The following OTUD7A variants were observed in gnomAD, a reference collection of about 807,000 sequenced individuals.
The protein encoded by OTUD7A is OTU domain-containing protein 7A.
OTUD7A carries 12 observed loss-of-function variants against 65.7 expected under a neutral mutation model. That is an observed-to-expected ratio of 0.18 (90% CI 0.12 to 0.30). The LOEUF (loss-of-function observed/expected upper bound fraction) is 0.30. OTUD7A is among the 10% of genes least tolerant of loss of function. The probability of loss-of-function intolerance (pLI) is 1.00; values close to 1 mark genes in which losing one functional copy is unlikely to be tolerated. For missense variants in OTUD7A, 1,148 were observed against 1,304.8 expected (o/e 0.88, Z 1.85); for synonymous variants, 641 against 586.3 (o/e 1.09, Z -1.35).
chr15:31,797,315 C>T (rs959480167), intron 1 of OTUD7A, among the ~76,000 whole-genome samples: 1 of 152,190 alleles, frequency 6.6e-6, no homozygotes, highest in African/African-American at 2.4e-5. Context: ...CAAAACAGAA[C>T]ACAAACCCCT....
chr15:31,588,318 C>G (rs530726801), intron 3 of OTUD7A, among the ~76,000 whole-genome samples: 21 of 152,250 alleles, frequency 1.4e-4, no homozygotes, highest in African/African-American at 4.8e-4. Context: ...CCAAAGCTTG[C>G]AATACTAAGC....
At chr15:31,728,405 T>C (rs1217997064) in intron 1 of OTUD7A, among the ~76,000 whole-genome samples, 1 of 152,252 alleles carries the variant, frequency 6.6e-6, no homozygotes, top group Non-Finnish European at 1.5e-5. Flanking sequence ...TTCCGTTTAG[T>C]GATCTGTATG....
At chr15:31,783,273 G>A (rs1056491130) in intron 1 of OTUD7A, among the ~76,000 whole-genome samples, 1 of 152,156 alleles carries the variant, frequency 6.6e-6, no homozygotes, top group Non-Finnish European at 1.5e-5. Context: ...GGAGTGTGGA[G>A]GGGACAATCT....
chr15:31,691,035 T>G (rs1892949602), intron 1 of OTUD7A, among the ~76,000 whole-genome samples: 1 of 152,142 alleles, frequency 6.6e-6, no homozygotes, highest in South Asian at 2.1e-4. Context: ...AAATCATATA[T>G]CTGATAAGGG....
intron 1 of OTUD7A, among the ~76,000 whole-genome samples, chr15:31,834,624 A>G (rs1897011297): frequency 6.6e-6 from 1 of 152,198 alleles, no homozygotes; most frequent in South Asian, 2.1e-4. Flanking sequence ...TTGACAGAGA[A>G]GTTCTATTAT....
At chr15:31,520,744 TA>T (rs2041926049) in intron 8 of OTUD7A, among the ~76,000 whole-genome samples, 1 of 152,090 alleles carries the variant, frequency 6.6e-6, no homozygotes, top group African/African-American at 2.4e-5. Context: ...CTCAAAGAAC[TA>T]AAAATAGAAC....
At chr15:31,520,258 CAAAACAGTATGGTATTGGTACA>C (rs2041919722) in intron 8 of OTUD7A, among the ~76,000 whole-genome samples, 2 of 152,136 alleles carry the variant, frequency 1.3e-5, no homozygotes, top group Non-Finnish European at 2.9e-5. Context: ...TTATAGTAAA[CAAAACAGTATGGTATTGGTACA>C]AAAACAGACA....
chr15:31,563,412 G>A (rs1993627), intron 4 of OTUD7A, among the ~76,000 whole-genome samples: 91,384 of 152,134 alleles, frequency 0.6, 29,725 homozygotes, highest in East Asian at 0.91. Flanking sequence ...AGAATAATCA[G>A]CAAGAGGGGC....
chr15:31,563,258 C>G (rs1415872428), intron 4 of OTUD7A, among the ~76,000 whole-genome samples: 3 of 152,156 alleles, frequency 2.0e-5, no homozygotes. Flanking sequence ...GGCCATCTGT[C>G]TGGATTGCTG....
chr15:31,508,510 C>T (rs999674003), intron 8 of OTUD7A, among the ~76,000 whole-genome samples: 8 of 152,202 alleles, frequency 5.3e-5, no homozygotes, highest in Admixed American at 1.3e-4. Flanking sequence ...CCACCACGCT[C>T]GGCTAATTTC....
At chr15:31,786,577 G>A (rs1895680407) in intron 1 of OTUD7A, among the ~76,000 whole-genome samples, 2 of 152,162 alleles carry the variant, frequency 1.3e-5, no homozygotes, top group Non-Finnish European at 2.9e-5. Context: ...GGTGCTGTGG[G>A]ATGTGTCACT....
intron 3 of OTUD7A, among the ~76,000 whole-genome samples, chr15:31,647,125 A>G (rs1028084776): frequency 3.3e-5 from 5 of 152,206 alleles, no homozygotes; most frequent in South Asian, 2.1e-4. Context: ...TTGGAAGGGC[A>G]GCCAACGGTT....
At chr15:31,785,636 C>T (rs1895653040) in intron 1 of OTUD7A, among the ~76,000 whole-genome samples, 1 of 152,150 alleles carries the variant, frequency 6.6e-6, no homozygotes, top group Non-Finnish European at 1.5e-5. Context: ...GACTCTGGCC[C>T]CCAAGCAACC....
intron 1 of OTUD7A, among the ~76,000 whole-genome samples, chr15:31,850,138 T>C (rs1326781110): frequency 4.6e-5 from 7 of 152,100 alleles, no homozygotes; most frequent in Non-Finnish European, 1.5e-5. Context: ...CTAATCACAA[T>C]AGCGAAGACT....
chr15:31,609,738 C>T (rs547333754), intron 3 of OTUD7A, among the ~76,000 whole-genome samples: 3 of 152,162 alleles, frequency 2.0e-5, no homozygotes, highest in Non-Finnish European at 4.4e-5. Flanking sequence ...CTCTCGAAAG[C>T]GCTACCTCCC....
chr15:31,772,034 C>T (rs924274320), intron 1 of OTUD7A, among the ~76,000 whole-genome samples: 3 of 151,916 alleles, frequency 2.0e-5, no homozygotes, highest in South Asian at 2.1e-4. Flanking sequence ...GGGCGGATCA[C>T]GAGGTCAGGA....
intron 1 of OTUD7A, among the ~76,000 whole-genome samples, chr15:31,776,917 C>T (rs1028800947): frequency 4.3e-4 from 66 of 151,958 alleles, no homozygotes; most frequent in South Asian, 4.2e-4. Context: ...GCACATTGTG[C>T]ACCTGTACCC....
intron 3 of OTUD7A, among the ~76,000 whole-genome samples, chr15:31,652,954 G>C (rs1891883165): frequency 6.6e-6 from 1 of 152,074 alleles, no homozygotes; most frequent in Non-Finnish European, 1.5e-5. Context: ...ATTTAGCCTA[G>C]AAAAATTAAA....
rs1386625834 is a variant in OTUD7A at position 31,478,136 on chromosome 15, A to C, written c.*5158T>G. The stretch of plus-strand genomic sequence containing the variant: ...GGCAGAAGAAGTACTGGGATGGGAG[A>C]GGCCTTTGTAAGGACCTGGCTTTTC... On this transcript the variant is annotated 3_prime_UTR_variant, in exon 13 of 13. Transcript: ENST00000307050. 6.6e-6 allele frequency: 1 copy of C among 152,130 alleles called. No individual in the cohort carries two copies. The highest frequency in any genetic ancestry group is 2.4e-5 in the African/African-American group (1 of 41,424). The allele number at this position is 152,130 out of a possible 1,614,324, so 9.4% of individuals were successfully genotyped here.
Sources: allele counts gnomAD v4.1 joint callset (sites outside exome capture counted in the v4.1 genomes callset), GRCh38; gene constraint gnomAD v4.1.1; transcripts MANE v1.5; gene names NCBI Gene and HGNC (gene_info 2026-07-23, HGNC 2026-07-21).